The following CACNA1C variants were observed in gnomAD, a reference collection of about 807,000 sequenced individuals.
CACNA1C encodes the protein calcium voltage-gated channel subunit alpha1 C, also known as voltage-dependent L-type calcium channel subunit alpha-1C.
CACNA1C carries 30 observed loss-of-function variants against 229.0 expected under a neutral mutation model. That is an observed-to-expected ratio of 0.13 (90% CI 0.10 to 0.18). The LOEUF (loss-of-function observed/expected upper bound fraction) is 0.18. CACNA1C is among the 10% of genes least tolerant of loss of function. CACNA1C has a pLI of 1.00. For missense variants in CACNA1C, 1,658 were observed against 2,845.0 expected, an observed-to-expected ratio of 0.58 and a Z score of 9.49; for synonymous variants, 1,114 against 1,132.5, an observed-to-expected ratio of 0.98 and a Z score of 0.33.
intron 9 of CACNA1C, among the ~76,000 whole-genome samples, chr12:2,544,412 G>A (rs1256561571): frequency 6.6e-6 from 1 of 152,206 alleles, no homozygotes; most frequent in Non-Finnish European, 1.5e-5. Flanking sequence ...AAGTGATGGT[G>A]CAGCCCACAA....
At chr12:2,432,266 G>A (rs1019928688) in intron 3 of CACNA1C, among the ~76,000 whole-genome samples, 4 of 152,184 alleles carry the variant, frequency 2.6e-5, no homozygotes, top group Admixed American at 1.3e-4. Flanking sequence ...GCATGTGGTC[G>A]GCAAAGAGGC....
chr12:2,681,949 G>A (rs766947466), intron 42 of CACNA1C: 63 of 1,583,240 alleles, frequency 4.0e-5, no homozygotes, highest in Non-Finnish European at 5.1e-5. Context: ...TGTCCCAGCA[G>A]GGAAAGGCAC....
intron 18 of CACNA1C, among the ~76,000 whole-genome samples, chr12:2,591,853 ACTT>A (rs1421774150): frequency 1.4e-4 from 21 of 151,906 alleles, no homozygotes. Flanking sequence ...GCCTCTCCTA[ACTT>A]CTTGTGGTTG....
intron 1 of CACNA1C, among the ~76,000 whole-genome samples, chr12:2,102,640 T>C (rs1396611265): frequency 6.6e-6 from 1 of 152,188 alleles, no homozygotes; most frequent in Non-Finnish European, 1.5e-5. Flanking sequence ...AATGTGCTTG[T>C]TTGTTACATA....
chr12:2,606,886 A>G, intron 25 of CACNA1C, 98 bp from the exon 26 acceptor site: 1 of 1,401,810 alleles, frequency 7.1e-7, no homozygotes, highest in Non-Finnish European at 9.9e-7. Context: ...AGTTCAAGCC[A>G]GGCAGTCCCA....
intron 3 of CACNA1C, among the ~76,000 whole-genome samples, chr12:2,170,237 C>T (rs532523881): frequency 3.0e-3 from 461 of 152,292 alleles, no homozygotes; most frequent in African/African-American, 0.01. Context: ...GGAACTTTTG[C>T]CATCTTATTC....
intron 10 of CACNA1C, chr12:2,550,563 G>GT (rs1297754100): frequency 4.8e-5 from 65 of 1,351,874 alleles, no homozygotes; most frequent in Non-Finnish European, 6.4e-5. Context: ...CAGAAGTGCA[G>GT]TGGAGCCTGC....
intron 1 of CACNA1C, among the ~76,000 whole-genome samples, chr12:1,983,706 G>A (rs925721167): frequency 7.2e-5 from 11 of 151,954 alleles, no homozygotes; most frequent in Non-Finnish European, 1.3e-4. Context: ...GCTGTCATTC[G>A]ATAGAATATA....
At position 2,054,369 on chromosome 12, in the gene CACNA1C, C is replaced by T. The variant is rs574573613; in HGVS notation, c.49+758C>T. ...GGCTAGCACCTGAGGATGGAAGCGG[C>T]GAGGAGCCGGGCGGTGTGTGGGCTT... On this transcript the variant is annotated intron_variant, in intron 1 of 46. Transcript: ENST00000399655. This position sits in a 1 kb window ranked among gnomAD's most constrained non-coding sequence, Gnocchi z 5.5. Among the ~76,000 whole-genome samples, 5 of 152,152 alleles carry T rather than the reference C, an allele frequency of 3.3e-5. No individual in the cohort carries two copies. The South Asian group carries it at 1.0e-3, about 32-fold the overall frequency.
chr12:2,615,768 G>A (rs2080181378), intron 29 of CACNA1C, among the ~76,000 whole-genome samples: 1 of 152,246 alleles, frequency 6.6e-6, no homozygotes, highest in Non-Finnish European at 1.5e-5. Flanking sequence ...TGGGAGTGAT[G>A]ATGTCACTTA....
intron 9 of CACNA1C, among the ~76,000 whole-genome samples, chr12:2,523,859 A>G (rs1476941814): frequency 6.6e-6 from 1 of 152,136 alleles, no homozygotes; most frequent in African/African-American, 2.4e-5. Flanking sequence ...CCCGAAACAG[A>G]GCTGCCTACA....
In CACNA1C at chr12:2,208,685, A is replaced by G. The variant is rs185559727; in HGVS notation, c.477+88255A>G. ...TGTTTAATGACCAGTATGTTTTACC[A>G]TGCACAGTAGCTGAAGATCAGCCCA... is the stretch of plus-strand genomic sequence containing the variant. On this transcript the variant is annotated intron_variant, in intron 3 of 46. Transcript: ENST00000399655. Among the ~76,000 whole-genome samples the G allele has an allele frequency of 2.2e-3, 329 of 152,318 alleles. 1 individual carries two copies. The highest frequency in any genetic ancestry group is 4.0e-3 in the Non-Finnish European group (272 of 68,032).
intron 38 of CACNA1C, 62 bp downstream of exon 38, chr12:2,669,097 A>G: frequency 8.5e-7 from 1 of 1,173,702 alleles, no homozygotes; most frequent in Non-Finnish European, 1.3e-6. Context: ...ATCAGAGAGG[A>G]GCTCGGCAGC....
chr12:2,233,769 G>T (rs543573703), intron 3 of CACNA1C, among the ~76,000 whole-genome samples: 1 of 152,324 alleles, frequency 6.6e-6, no homozygotes, highest in South Asian at 2.1e-4. Flanking sequence ...TCTCTGGTCA[G>T]TGCTTCCCTC....
intron 3 of CACNA1C, among the ~76,000 whole-genome samples, chr12:2,191,034 G>A (rs1431822953): frequency 6.6e-6 from 1 of 152,178 alleles, no homozygotes. Flanking sequence ...ACTGGGAAGT[G>A]TGGTCCAGTG....
At chr12:2,435,832 A>C (rs1005623438) in intron 3 of CACNA1C, among the ~76,000 whole-genome samples, 30 of 152,210 alleles carry the variant, frequency 2.0e-4, no homozygotes, top group Non-Finnish European at 3.5e-4. Context: ...AGCAGGAGCG[A>C]GGTCTTGCAC....
intron 3 of CACNA1C, among the ~76,000 whole-genome samples, chr12:2,156,344 A>G (rs2095554188): frequency 6.6e-6 from 1 of 152,244 alleles, no homozygotes; most frequent in Non-Finnish European, 1.5e-5. Context: ...CTAGTAGCGT[A>G]AAAATTGCAG....
chr12:2,161,785 C>T (rs377294176), intron 3 of CACNA1C, among the ~76,000 whole-genome samples: 2 of 152,246 alleles, frequency 1.3e-5, no homozygotes, highest in East Asian at 3.9e-4. Context: ...GGCTGGAGAC[C>T]GTATATCAAA....
intron 3 of CACNA1C, among the ~76,000 whole-genome samples, chr12:2,272,092 A>C (rs1270488788): frequency 6.6e-6 from 1 of 152,140 alleles, no homozygotes; most frequent in Admixed American, 6.5e-5. Context: ...CATCTCTTCC[A>C]TCGAGCTATT....
Sources: gnomAD v4.1 joint callset for allele counts (sites outside exome capture counted in the v4.1 genomes callset) on GRCh38, gnomAD v4.1.1 for gene constraint, Gnocchi (gnomAD v3.1) non-coding constraint, MANE v1.5 for transcripts, NCBI Gene and HGNC (gene_info 2026-07-23, HGNC 2026-07-21) for gene names.